RAI14: variants seen among roughly 807,000 people sequenced by gnomAD.
RAI14 encodes the protein retinoic acid induced 14, also known as ankycorbin.
A neutral mutation model predicts 115.4 loss-of-function variants in RAI14; 45 were observed. That is an observed-to-expected ratio of 0.39 (90% CI 0.31 to 0.50). The LOEUF (loss-of-function observed/expected upper bound fraction) is 0.50, where lower values mean the gene tolerates loss of function less well. Ranked by LOEUF, RAI14 falls within the 20% of genes least tolerant of loss-of-function variation. The pLI is 0.85. For missense variants in RAI14, 939 were observed against 1,131.2 expected (o/e 0.83, Z 2.44); for synonymous variants, 371 against 415.4 (o/e 0.89, Z 1.30).
chr5:34,759,523 G>A (rs778141871), intron 3 of RAI14, among the ~76,000 whole-genome samples: 4 of 152,142 alleles, frequency 2.6e-5, no homozygotes, highest in Non-Finnish European at 5.9e-5. Context: ...ACTGTGAACT[G>A]CACATGCGAG....
At chr5:34,764,640 A>G (rs1279393305) in intron 3 of RAI14, among the ~76,000 whole-genome samples, 7 of 152,134 alleles carry the variant, frequency 4.6e-5, no homozygotes, top group Admixed American at 3.9e-4. Flanking sequence ...TAGAATTGCA[A>G]TGAAAGGTAC....
At chr5:34,790,161 GCTT>G (rs1468866212) in intron 3 of RAI14, among the ~76,000 whole-genome samples, 4 of 152,204 alleles carry the variant, frequency 2.6e-5, no homozygotes, top group Admixed American at 2.6e-4. Flanking sequence ...ATTAATAACT[GCTT>G]CTAGGCATAG....
chr5:34,664,836 A>T (rs1008733793), intron 1 of RAI14, among the ~76,000 whole-genome samples: 17 of 150,728 alleles, frequency 1.1e-4, no homozygotes, highest in Non-Finnish European at 2.2e-4. Flanking sequence ...TTGCATCCTC[A>T]TAGCTTAGCT....
At chr5:34,730,414 T>C (rs974978685) in intron 2 of RAI14, among the ~76,000 whole-genome samples, 1 of 152,208 alleles carries the variant, frequency 6.6e-6, no homozygotes, top group African/African-American at 2.4e-5. Context: ...TGGTGGCTCA[T>C]GCCTGTAATC....
At chr5:34,788,478 C>T (rs1343330127) in intron 3 of RAI14, among the ~76,000 whole-genome samples, 1 of 152,124 alleles carries the variant, frequency 6.6e-6, no homozygotes, top group African/African-American at 2.4e-5. Context: ...TCCATAAAGG[C>T]AGGAACTTTG....
At chr5:34,779,678 C>G (rs1751359176) in intron 3 of RAI14, among the ~76,000 whole-genome samples, 1 of 152,136 alleles carries the variant, frequency 6.6e-6, no homozygotes, top group South Asian at 2.1e-4. Flanking sequence ...TGAAGGACCT[C>G]TTCAAGGAGA....
intron 2 of RAI14, among the ~76,000 whole-genome samples, chr5:34,713,159 CTTCA>C (rs1741599523): frequency 6.6e-6 from 1 of 152,122 alleles, no homozygotes; most frequent in Non-Finnish European, 1.5e-5. Context: ...ACTTTTCAAC[CTTCA>C]TTCAGTCCCT....
chr5:34,673,594 T>C (rs920729767), intron 1 of RAI14, among the ~76,000 whole-genome samples: 2 of 152,120 alleles, frequency 1.3e-5, no homozygotes, highest in Non-Finnish European at 2.9e-5. Flanking sequence ...TACTGACAAA[T>C]ACTTTGGTGC....
chr5:34,709,094 C>G (rs1291148903), intron 2 of RAI14, among the ~76,000 whole-genome samples: 2 of 148,854 alleles, frequency 1.3e-5, no homozygotes, highest in Non-Finnish European at 3.0e-5. Flanking sequence ...CATGCTTCTG[C>G]TCTCCAGCCT....
intron 2 of RAI14, among the ~76,000 whole-genome samples, chr5:34,721,211 T>TA (rs1250027609): frequency 1.3e-5 from 2 of 151,594 alleles, no homozygotes; most frequent in Admixed American, 1.3e-4. Context: ...TTGCTTCTGG[T>TA]ATCTGGACTC....
rs1752960728 is a variant in RAI14 at position 34,791,955 on chromosome 5, C to T, written c.168-3984C>T. Among the ~76,000 whole-genome samples the T allele has an allele frequency of 6.6e-6, 1 of 152,206 alleles. No homozygotes were observed. Among genetic ancestry groups the T allele is most frequent in the Non-Finnish European group, 1.5e-5 (1 of 68,042 alleles). ...GCAAGCCCAACCAGGAGCCAAAGCACAGGGCAGCCCATTGGATGCAGTTCA... is the reference window on the plus strand; with the variant it reads ...GCAAGCCCAACCAGGAGCCAAAGCATAGGGCAGCCCATTGGATGCAGTTCA... On this transcript the variant is annotated intron_variant, in intron 3 of 17. Transcript: ENST00000265109. The surrounding 1 kb of genome is among the most constrained non-coding windows in gnomAD (Gnocchi z 5.4).
chr5:34,662,721 A>ATTTTTTTTTTT (rs746930489), intron 1 of RAI14, among the ~76,000 whole-genome samples: 2 of 91,920 alleles, frequency 2.2e-5, no homozygotes, highest in East Asian at 3.4e-4. Context: ...ATTTAAACAG[A>ATTTTTTTTTTT]TTTTTTTTTT....
At chr5:34,778,815 A>G (rs34691532) in intron 3 of RAI14, among the ~76,000 whole-genome samples, 33,316 of 151,640 alleles carry the variant, frequency 0.22, 5,001 homozygotes, top group Non-Finnish European at 0.31. Context: ...AGACTTTTGA[A>G]TGACATTTCG....
intron 2 of RAI14, among the ~76,000 whole-genome samples, chr5:34,710,095 A>G (rs1305788771): frequency 4.6e-5 from 7 of 152,210 alleles, no homozygotes; most frequent in Non-Finnish European, 7.3e-5. Flanking sequence ...CTCACTAACC[A>G]ATTGTATTCA....
At chr5:34,672,722 T>C (rs1163147670) in intron 1 of RAI14, among the ~76,000 whole-genome samples, 1 of 152,092 alleles carries the variant, frequency 6.6e-6, no homozygotes, top group African/African-American at 2.4e-5. Context: ...TTAGAATAAA[T>C]TAGGGTGACA....
chr5:34,776,805 T>TC (rs754870641), intron 3 of RAI14, among the ~76,000 whole-genome samples: 301 of 94,280 alleles, frequency 3.2e-3, no homozygotes, highest in African/African-American at 7.8e-3. Flanking sequence ...AGACCCTTTA[T>TC]TAAAAAAACC....
intron 2 of RAI14, among the ~76,000 whole-genome samples, chr5:34,691,395 A>G (rs1230904975): frequency 6.6e-6 from 1 of 152,198 alleles, no homozygotes; most frequent in African/African-American, 2.4e-5. Context: ...CTCAGTCATC[A>G]TTATTTGTAT....
chr5:34,744,024 A>C (rs1745861811), intron 2 of RAI14, among the ~76,000 whole-genome samples: 1 of 152,196 alleles, frequency 6.6e-6, no homozygotes, highest in South Asian at 2.1e-4. Flanking sequence ...GGATGAAATC[A>C]TTTTGTCTGG....
At chr5:34,761,358 GGTTTTGTTTT>G (rs961997194) in intron 3 of RAI14, among the ~76,000 whole-genome samples, 9 of 151,846 alleles carry the variant, frequency 5.9e-5, no homozygotes, top group Middle Eastern at 3.2e-3. Context: ...AGCTAATTTT[GGTTTTGTTTT>G]GTTTTGTTTT....
Sources: allele counts gnomAD v4.1 joint callset (sites outside exome capture counted in the v4.1 genomes callset), GRCh38; gene constraint gnomAD v4.1.1; non-coding constraint Gnocchi (gnomAD v3.1); transcripts MANE v1.5; gene names NCBI Gene and HGNC (gene_info 2026-07-23, HGNC 2026-07-21).